The following QRICH2 variants were observed in gnomAD, a reference collection of about 807,000 sequenced individuals.
The protein encoded by QRICH2 is glutamine rich 2.
A neutral mutation model predicts 168.3 loss-of-function variants in QRICH2; 119 were observed. The ratio of observed to expected loss-of-function variants is 0.71; its 90% CI spans 0.61 to 0.82. QRICH2 has a LOEUF of 0.82. Ranked by LOEUF, QRICH2 falls within the 40% of genes least tolerant of loss-of-function variation. The pLI, the probability that QRICH2 is intolerant of heterozygous loss-of-function variation, is 0.00. For synonymous variants in QRICH2, 894 were observed against 951.2 expected, an observed-to-expected ratio of 0.94 and a Z score of 1.11; for missense variants, 2,241 against 2,491.6, an observed-to-expected ratio of 0.90 and a Z score of 2.14.
intron 7 of QRICH2, among the ~76,000 whole-genome samples, chr17:76,282,400 A>T (rs1331965953): frequency 6.6e-6 from 1 of 152,214 alleles, no homozygotes; most frequent in Non-Finnish European, 1.5e-5. Context: ...GCATGAGAAC[A>T]TCTCTTCTTT....
intron 7 of QRICH2, among the ~76,000 whole-genome samples, chr17:76,285,991 T>C (rs528402913): frequency 3.3e-4 from 50 of 151,800 alleles, no homozygotes; most frequent in African/African-American, 8.2e-4. Context: ...GCTAACACAG[T>C]GAAACCCCGT....
At position 76,277,268 on chromosome 17, in the gene QRICH2, C is replaced by A; in HGVS notation, c.5160G>T (p.Arg1720=). 6.2e-7 allele frequency: 1 copy of A among 1,602,890 alleles called. No homozygotes were observed. Among genetic ancestry groups the A allele is most frequent in the Non-Finnish European group, 8.5e-7 (1 of 1,176,862 alleles). Residue 1720 remains arginine, a synonymous_variant, in exon 16 of 19, where the codon CGG becomes CGT. Coordinates refer to ENST00000680821, the MANE Select transcript of QRICH2 (RefSeq NM_001388453.1). ...TGAGGGTGTGGCTGCCCCCGCAGCG[C>A]CGGGGCACAGTTGAGTAGGTGTAAT... The part of the protein sequence containing the change: ...MADYTYSTVP[R]RCGGSHTLTY...
chr17:76,278,446 G>T (rs73350379), intron 14 of QRICH2, among the ~76,000 whole-genome samples: 18,126 of 152,308 alleles, frequency 0.12, 2,756 homozygotes, highest in African/African-American at 0.36. Flanking sequence ...GCAGCTGTGG[G>T]TGGAGGAGCT....
In QRICH2 at chr17:76,275,843, G is replaced by C; in HGVS notation, c.5458C>G (p.Gln1820Glu). 1 of 1,607,256 alleles carries C rather than the reference G, an allele frequency of 6.2e-7. No homozygotes were observed. The highest frequency in any genetic ancestry group is 1.1e-5 in the South Asian group (1 of 91,076). ...CCTGAGGTGTTGCCAGCCGAAATCT[G>C]GGCGCTCTGTGGCCGAGAGGGCAGC... ...GQLPSRPQSA[Q>E]ISAGNTSVSS... The change falls in exon 18 of 19, where the codon CAG becomes GAG. Residue 1820 changes from glutamine (Q) to glutamate (E), a missense_variant. Gln to Glu is a conservative substitution (Grantham distance 29). Coordinates refer to ENST00000680821, the MANE Select transcript of QRICH2 (RefSeq NM_001388453.1).
At chr17:76,298,030 C>T (rs544562599) in intron 3 of QRICH2, among the ~76,000 whole-genome samples, 5 of 149,194 alleles carry the variant, frequency 3.4e-5, no homozygotes, top group East Asian at 1.9e-4. Flanking sequence ...CCACCATGCC[C>T]GGCTAATTTT....
Position 76,292,281 on chromosome 17 carries a change from C to T in QRICH2, c.2446G>A (p.Ala816Thr). Reference protein sequence around the residue: ...AVQRGLVQPGAVQRGLVQPGV... With the variant: ...AVQRGLVQPGTVQRGLVQPGV... ...GGTTGGACCAAACCACGCTGAACTG[C>T]ACCAGGTTGCACCAAACCACGCTGA... Residue 816 changes from alanine to threonine, a missense_variant, in exon 4 of 19, where the codon GCA becomes ACA. Ala to Thr is a moderately conservative substitution (Grantham distance 58, BLOSUM62 0). Around this residue, in one of 3 missense-constraint regions of QRICH2, gnomAD observed 2,047 missense variants for 2,303.8 expected, o/e 0.89. Coordinates refer to ENST00000680821, the MANE Select transcript of QRICH2 (RefSeq NM_001388453.1). 2.5e-6 allele frequency: 4 copies of T among 1,605,042 alleles called. No individual in the cohort carries two copies. The highest frequency in any genetic ancestry group is 3.4e-6 in the Non-Finnish European group (4 of 1,176,030).
chr17:76,291,443 T>G lies in QRICH2; in HGVS notation c.3284A>C (p.Gln1095Pro). The change falls in exon 4 of 19, where the codon CAG (glutamine) becomes CCG (proline). Residue 1095 changes from glutamine (Q) to proline (P), a missense_variant. Physicochemically the swap from Gln to Pro is moderately conservative, Grantham distance 76. Transcript: ENST00000680821. Reference sequence around the variant, plus strand: ...AAAGAGAGAGAAAGCATGGCCATGCTGAGCTGCATCTGGGTATACCTGGTC... The same window carrying G: ...AAAGAGAGAGAAAGCATGGCCATGCGGAGCTGCATCTGGGTATACCTGGTC... The part of the protein sequence containing the change: ...EHDQVYPDAA[Q>P]HGHAFSLFDS... 3 of 1,614,180 alleles carry G rather than the reference T, an allele frequency of 1.9e-6. No homozygotes were observed. The highest frequency in any genetic ancestry group is 1.7e-6 in the Non-Finnish European group (2 of 1,180,026).
intron 3 of QRICH2, chr17:76,301,515 C>A: frequency 4.9e-6 from 1 of 204,522 alleles, no homozygotes; most frequent in Non-Finnish European, 1.0e-5. Flanking sequence ...TTGCAGTGAG[C>A]CGAGATCACA....
rs762288253 is a variant in QRICH2 at position 76,280,702 on chromosome 17, G to C, written c.4413C>G (p.Leu1471=). 1.9e-6 allele frequency: 3 copies of C among 1,614,040 alleles called. No individual in the cohort carries two copies. The highest frequency in any genetic ancestry group is 2.2e-5 in the South Asian group (2 of 91,066). Residue 1471 remains leucine, a synonymous_variant, in exon 10 of 19, where the codon CTC becomes CTG. Coordinates refer to ENST00000680821, the MANE Select transcript of QRICH2 (RefSeq NM_001388453.1). This position sits in a 1 kb window ranked among gnomAD's most constrained non-coding sequence, Gnocchi z 7.4. ...IAMLYQGLEK[L]EKEKANREHL... is the part of the protein sequence containing the mutation. Reference sequence around the variant, plus strand: ...GCTCCCTGTTGGCCTTTTCCTTTTCGAGCTTCTCCAGACCCTGGTACAGCA... The same window carrying C: ...GCTCCCTGTTGGCCTTTTCCTTTTCCAGCTTCTCCAGACCCTGGTACAGCA...
chr17:76,290,126 G>T, intron 4 of QRICH2, 49 bp from the exon 5 acceptor site: 2 of 1,376,510 alleles, frequency 1.5e-6, no homozygotes, highest in Non-Finnish European at 2.1e-6. Context: ...TCTCTAGTGG[G>T]CTCCCAATCT....
intron 1 of QRICH2, among the ~76,000 whole-genome samples, chr17:76,306,057 C>G (rs1948944991): frequency 1.3e-5 from 2 of 150,334 alleles, no homozygotes; most frequent in South Asian, 4.2e-4. Flanking sequence ...ATAATCCTAG[C>G]TACTCGGGAA....
chr17:76,291,037 G>A lies in QRICH2; in HGVS notation c.3690C>T (p.Ile1230=). The A allele has an allele frequency of 6.2e-7, 1 of 1,613,192 alleles. No homozygotes were observed. Among genetic ancestry groups the A allele is most frequent in the East Asian group, 2.2e-5 (1 of 44,834 alleles). ...CACCCATCTGTGCCAGCAGGAACTGGATCTTCTCCAAGTCGGTTTGGCCGG... is the reference window on the plus strand; with the variant it reads ...CACCCATCTGTGCCAGCAGGAACTGAATCTTCTCCAAGTCGGTTTGGCCGG... ...EQAGQTDLEK[I]QFLLAQMVKR... Residue 1230 remains isoleucine (I), a synonymous_variant, in exon 4 of 19, where the codon ATC becomes ATT. Coordinates refer to ENST00000680821, the MANE Select transcript of QRICH2 (RefSeq NM_001388453.1).
chr17:76,275,247 G>A (rs1231209818), intron 18 of QRICH2, among the ~76,000 whole-genome samples: 5 of 152,286 alleles, frequency 3.3e-5, no homozygotes, highest in South Asian at 2.1e-4. Context: ...GATGACAGAC[G>A]AGGAAACTGA....
chr17:76,293,736 A>G lies in QRICH2; in HGVS notation c.991T>C (p.Ser331Pro). Reference protein sequence around the residue: ...EAGVPRLHQSSTFQFKSDSDR... With the variant: ...EAGVPRLHQSPTFQFKSDSDR... The stretch of plus-strand genomic sequence containing the variant: ...GAGTCTGATTTGAATTGGAATGTAG[A>G]AGACTGATGGAGTCGTGGCACGCCA... Residue 331 changes from serine to proline, a missense_variant, in exon 4 of 19, where the codon TCT (serine) becomes CCT (proline). By Grantham distance (74) the Ser-to-Pro change is moderately conservative. Around this residue, in one of 3 missense-constraint regions of QRICH2, gnomAD observed 2,047 missense variants for 2,303.8 expected, o/e 0.89. Coordinates refer to ENST00000680821, the MANE Select transcript of QRICH2 (RefSeq NM_001388453.1). 2 of 1,614,122 alleles carry G rather than the reference A, an allele frequency of 1.2e-6. No homozygotes were observed. The highest frequency in any genetic ancestry group is 1.7e-6 in the Non-Finnish European group (2 of 1,180,026).
upstream of QRICH2, chr17:76,310,508 C>T (rs2071059920): frequency 6.6e-6 from 1 of 151,768 alleles, no homozygotes; most frequent in Non-Finnish European, 1.5e-5. Context: ...CTCTGTCACC[C>T]AGGATGGATG....
In QRICH2 at chr17:76,291,836, G is replaced by C. The variant is rs369478028; in HGVS notation, c.2891C>G (p.Pro964Arg). 6.2e-7 allele frequency: 1 copy of C among 1,614,044 alleles called. No homozygotes were observed. Among genetic ancestry groups the C allele is most frequent in the Non-Finnish European group, 8.5e-7 (1 of 1,180,046 alleles). The change falls in exon 4 of 19, where the codon CCA (proline) becomes CGA (arginine). Residue 964 changes from proline (P) to arginine (R), a missense_variant. Coordinates refer to ENST00000680821, the MANE Select transcript of QRICH2 (RefSeq NM_001388453.1). ...TCTCAAACCATACTGATCCATTCCT[G>C]GCTGCACCAGACCACGTGGATATGT... ...SGTYPRGLVQ[P>R]GMDQYGLRQP...
chr17:76,298,324 GCC>G (rs1290767431), intron 3 of QRICH2, among the ~76,000 whole-genome samples: 3 of 149,918 alleles, frequency 2.0e-5, no homozygotes, highest in African/African-American at 7.4e-5. Flanking sequence ...GACTACAGGC[GCC>G]CACCACCACG....
intron 15 of QRICH2, 85 bp downstream of exon 15, chr17:76,277,904 A>G: frequency 7.0e-7 from 1 of 1,419,126 alleles, no homozygotes; most frequent in South Asian, 1.2e-5. Context: ...CAGTGGGGCA[A>G]GGCATTTGCA....
At chr17:76,288,361 G>A (rs2070927879) in intron 5 of QRICH2, among the ~76,000 whole-genome samples, 1 of 135,998 alleles carries the variant, frequency 7.4e-6, no homozygotes. Context: ...TCCAGCCTGG[G>A]CAACAGAGCA....
Sources: gnomAD v4.1 joint callset for allele counts (sites outside exome capture counted in the v4.1 genomes callset) on GRCh38, gnomAD v4.1.1 for gene constraint, gnomAD v4.1.1 regional missense constraint, Gnocchi (gnomAD v3.1) non-coding constraint, MANE v1.5 for transcripts, NCBI Gene and HGNC (gene_info 2026-07-23, HGNC 2026-07-21) for gene names.